The following SEPTIN9 variants were observed in gnomAD, a reference collection of about 807,000 sequenced individuals.
SEPTIN9 encodes septin-9.
A neutral mutation model predicts 56.6 loss-of-function variants in SEPTIN9; 13 were observed. The ratio of observed to expected loss-of-function variants is 0.23; its 90% CI spans 0.15 to 0.37. SEPTIN9 has a LOEUF of 0.37. Ranked by LOEUF, SEPTIN9 falls within the 10% of genes least tolerant of loss-of-function variation. The probability of loss-of-function intolerance (pLI) is 1.00; values close to 1 mark genes in which losing one functional copy is unlikely to be tolerated. For missense variants in SEPTIN9, 650 were observed against 823.1 expected, an observed-to-expected ratio of 0.79 and a Z score of 2.57; for synonymous variants, 332 against 334.1, an observed-to-expected ratio of 0.99 and a Z score of 0.07.
In SEPTIN9 at chr17:77,420,554, G is replaced by C. The variant is rs535210929; in HGVS notation, c.721+17851G>C. On this transcript the variant is annotated intron_variant, in intron 3 of 11. Transcript: ENST00000427177. Reference sequence around the variant, plus strand: ...GGAATCCTCAGCCCAACTGTCCAGAGGAGTCTTTCTCAGTGGGGAGAGCCT... The same window carrying C: ...GGAATCCTCAGCCCAACTGTCCAGACGAGTCTTTCTCAGTGGGGAGAGCCT... Among the ~76,000 whole-genome samples the C allele has an allele frequency of 7.2e-5, 11 of 152,296 alleles. No individual in the cohort carries two copies. The East Asian group carries it at 1.5e-3, about 21-fold the overall frequency.
chr17:77,386,945 G>A (rs1400084127), intron 2 of SEPTIN9, among the ~76,000 whole-genome samples: 2 of 152,238 alleles, frequency 1.3e-5, no homozygotes, highest in Non-Finnish European at 2.9e-5. Flanking sequence ...TATCACGAGA[G>A]AGAAGCTGTG....
rs1308104041 is a variant in SEPTIN9 at position 77,453,179 on chromosome 17, G to A, written c.722-28965G>A. On this transcript the variant is annotated intron_variant, in intron 3 of 11. Transcript: ENST00000427177. The surrounding 1 kb of genome is among the most constrained non-coding windows in gnomAD (Gnocchi z 4.4). ...GGGAGGACCCACTGTGTGCGCCTGG[G>A]GGGTGGCGTGGGGCACTCTGGGATG... Among the ~76,000 whole-genome samples, 1 of 152,158 alleles carries A rather than the reference G, an allele frequency of 6.6e-6. No homozygotes were observed. The highest frequency in any genetic ancestry group is 1.5e-5 in the Non-Finnish European group (1 of 68,032).
rs547505522 is a variant in SEPTIN9, at chr17:77,313,840, C to G, written c.76+6643C>G. 1.8e-4 allele frequency among the ~76,000 whole-genome samples: 28 copies of G among 152,162 alleles called. No individual in the cohort carries two copies. Among genetic ancestry groups the G allele is most frequent in the African/African-American group, 5.8e-4 (24 of 41,504 alleles). On this transcript the variant is annotated intron_variant, in intron 2 of 11. Transcript: ENST00000427177. The surrounding 1 kb of genome is among the most constrained non-coding windows in gnomAD (Gnocchi z 4.5). ...CAACCTGCCAGGCTCAAGGGATCCTCCTGCCTTAGCCTCCTAAGTAGCTGG... is the reference window on the plus strand; with the variant it reads ...CAACCTGCCAGGCTCAAGGGATCCTGCTGCCTTAGCCTCCTAAGTAGCTGG...
At chr17:77,292,097 G>A (rs904153250) in intron 1 of SEPTIN9, among the ~76,000 whole-genome samples, 3 of 152,022 alleles carry the variant, frequency 2.0e-5, no homozygotes, top group Non-Finnish European at 2.9e-5. Flanking sequence ...CTCTTCCTCG[G>A]CCCCTCAAGA....
chr17:77,453,980 C>T lies in SEPTIN9; in HGVS notation c.722-28164C>T, dbSNP rs1336147221. 1 of 887,390 alleles carries T rather than the reference C, an allele frequency of 1.1e-6. No homozygotes were observed. Among genetic ancestry groups the T allele is most frequent in the African/African-American group, 1.8e-5 (1 of 55,196 alleles). 55.0% of individuals were successfully genotyped at this position (887,390 alleles called of 1,614,324 possible). A position where few individuals can be genotyped will look rare whatever the true frequency, so the allele number is the denominator to read the frequency against. On this transcript the variant is annotated intron_variant, in intron 3 of 11. Coordinates refer to ENST00000427177, the MANE Select transcript of SEPTIN9 (RefSeq NM_001113491.2). This position sits in a 1 kb window ranked among gnomAD's most constrained non-coding sequence, Gnocchi z 4.4. The stretch of plus-strand genomic sequence containing the variant: ...CACCACCACCAGCAGCTTCCGTTAT[C>T]TGGTTCTTCTGTACATGTAAGCCTT...
At chr17:77,350,109 C>T (rs181246406) in intron 2 of SEPTIN9, among the ~76,000 whole-genome samples, 50 of 152,362 alleles carry the variant, frequency 3.3e-4, no homozygotes, top group African/African-American at 1.1e-3. Flanking sequence ...GGAGTTATGG[C>T]TGTTTCAGGG....
chr17:77,429,052 TC>T lies in SEPTIN9; in HGVS notation c.721+26351del. 1 of 471,536 alleles carries T rather than the reference TC, an allele frequency of 2.1e-6. No homozygotes were observed. Among genetic ancestry groups the T allele is most frequent in the Admixed American group, 2.3e-5 (1 of 42,580 alleles). The allele number at this position is 471,536 out of a possible 1,614,324, so 29.2% of individuals were successfully genotyped here. ...ATCTCAGCAGCCCTCCGCCCCCTGC[TC>T]CTGGTTGCAGATGTACCTGTTCTTG... On this transcript the variant is annotated intron_variant, in intron 3 of 11. Coordinates refer to ENST00000427177, the MANE Select transcript of SEPTIN9 (RefSeq NM_001113491.2). This position sits in a 1 kb window ranked among gnomAD's most constrained non-coding sequence, Gnocchi z 5.2.
intron 1 of SEPTIN9, among the ~76,000 whole-genome samples, chr17:77,298,401 A>C (rs888783363): frequency 6.6e-6 from 1 of 152,168 alleles, no homozygotes; most frequent in African/African-American, 2.4e-5. Context: ...GGACACTTTC[A>C]TCTCAGCAGA....
At chr17:77,490,605 G>A (rs1349744378) in intron 7 of SEPTIN9, 137 bp from the exon 8 acceptor site, 5 of 694,586 alleles carry the variant, frequency 7.2e-6, no homozygotes, top group African/African-American at 7.0e-5. Context: ...GACTCGGCCC[G>A]GGGCCCTGTC....
At chr17:77,314,180 ATT>A (rs560462464) in intron 2 of SEPTIN9, among the ~76,000 whole-genome samples, 5 of 142,812 alleles carry the variant, frequency 3.5e-5, no homozygotes, top group Non-Finnish European at 7.7e-5. Context: ...AAAAAAAAAA[ATT>A]TTTTTTTTTT....
intron 3 of SEPTIN9, among the ~76,000 whole-genome samples, chr17:77,461,096 G>A (rs965467901): frequency 1.3e-5 from 2 of 152,142 alleles, no homozygotes; most frequent in African/African-American, 4.8e-5. Flanking sequence ...CCTGAAGTCA[G>A]GAGTTCGAGA....
chr17:77,339,390 A>G (rs980377842), intron 2 of SEPTIN9, among the ~76,000 whole-genome samples: 1 of 152,256 alleles, frequency 6.6e-6, no homozygotes, highest in Non-Finnish European at 1.5e-5. Context: ...TTACATTAGC[A>G]GGCATGAAAA....
Position 77,402,606 on chromosome 17 carries a change from G to A in SEPTIN9, c.624G>A (p.Leu208=), listed in dbSNP as rs748474740. Residue 208 remains leucine, a synonymous_variant, in exon 3 of 12, where the codon TTG becomes TTA. Transcript: ENST00000427177. The surrounding 1 kb of genome is among the most constrained non-coding windows in gnomAD (Gnocchi z 6.6). ...CCGCCCCCAGCCCAGCCCAGACCTT[G>A]GAGAATTCAGAGCCTGCCCCTGTGT... ...APTAPSPAQT[L]ENSEPAPVSQ... The A allele has an allele frequency of 1.7e-5, 27 of 1,612,750 alleles. No individual in the cohort carries two copies. In the East Asian group the frequency reaches 5.6e-4, roughly 33 times the overall value.
rs998252615 is a variant in SEPTIN9 at position 77,319,942 on chromosome 17, C to G, written c.76+12745C>G. 47 of 1,152,052 alleles carry G rather than the reference C, an allele frequency of 4.1e-5. No individual in the cohort carries two copies. The highest frequency in any genetic ancestry group is 3.0e-4 in the East Asian group (7 of 23,658). The allele number at this position is 1,152,052 out of a possible 1,614,324, so 71.4% of individuals were successfully genotyped here. On this transcript the variant is annotated intron_variant, in intron 2 of 11. Coordinates refer to ENST00000427177, the MANE Select transcript of SEPTIN9 (RefSeq NM_001113491.2). This position sits in a 1 kb window ranked among gnomAD's most constrained non-coding sequence, Gnocchi z 5.3. ...GCCGCACTCGGGACCTCTGCAGCCACCGACCAGACCGGGCGGCCGGGACTC... is the reference window on the plus strand; with the variant it reads ...GCCGCACTCGGGACCTCTGCAGCCAGCGACCAGACCGGGCGGCCGGGACTC...
intron 3 of SEPTIN9, among the ~76,000 whole-genome samples, chr17:77,424,155 G>A (rs753621693): frequency 1.3e-5 from 2 of 152,234 alleles, no homozygotes; most frequent in African/African-American, 2.4e-5. Flanking sequence ...AGCTTTATGC[G>A]CTTCATGGGA....
intron 3 of SEPTIN9, among the ~76,000 whole-genome samples, chr17:77,441,955 C>G (rs7224637): frequency 6.6e-6 from 1 of 152,258 alleles, no homozygotes; most frequent in African/African-American, 2.4e-5. Context: ...GGAAGAAATA[C>G]ATTTCCTCTA....
At chr17:77,308,992 C>G (rs1412458879) in intron 2 of SEPTIN9, among the ~76,000 whole-genome samples, 1 of 152,258 alleles carries the variant, frequency 6.6e-6, no homozygotes, top group Non-Finnish European at 1.5e-5. Flanking sequence ...CTCCGCCCAT[C>G]GCAGTCATGT....
chr17:77,450,826 C>A lies in SEPTIN9; in HGVS notation c.722-31318C>A. The A allele has an allele frequency of 1.0e-6, 1 of 984,896 alleles. No individual in the cohort carries two copies. The highest frequency in any genetic ancestry group is 1.2e-6 in the Non-Finnish European group (1 of 829,366). The allele number at this position is 984,896 out of a possible 1,614,324, so 61.0% of individuals were successfully genotyped here. A position where few individuals can be genotyped will look rare whatever the true frequency, so the allele number is the denominator to read the frequency against. ...CATCCCCTGCCCCTCCTCTCCTGCT[C>A]CTTCTCCCTTCCATGGTCCCAGCCA... On this transcript the variant is annotated intron_variant, in intron 3 of 11. Transcript: ENST00000427177. This position sits in a 1 kb window ranked among gnomAD's most constrained non-coding sequence, Gnocchi z 6.0.
chr17:77,341,166 ATC>A (rs1568002734), intron 2 of SEPTIN9, among the ~76,000 whole-genome samples: 1 of 152,108 alleles, frequency 6.6e-6, no homozygotes, highest in Non-Finnish European at 1.5e-5. Flanking sequence ...GGCATAAGAG[ATC>A]TCACTTTTGC....
Sources: allele counts gnomAD v4.1 joint callset (sites outside exome capture counted in the v4.1 genomes callset), GRCh38; gene constraint gnomAD v4.1.1; non-coding constraint Gnocchi (gnomAD v3.1); transcripts MANE v1.5; gene names NCBI Gene and HGNC (gene_info 2026-07-23, HGNC 2026-07-21).